PKHD1: variants seen among roughly 807,000 people sequenced by gnomAD.
PKHD1 encodes PKHD1 ciliary IPT domain containing fibrocystin/polyductin, also known as fibrocystin.
A neutral mutation model predicts 412.0 loss-of-function variants in PKHD1; 291 were observed. The ratio of observed to expected loss-of-function variants is 0.71; its 90% CI spans 0.64 to 0.78. The LOEUF is 0.78. PKHD1 is among the 30% of genes least tolerant of loss of function. The pLI, the probability that PKHD1 is intolerant of heterozygous loss-of-function variation, is 0.00. For synonymous variants in PKHD1, 1,777 were observed against 1,821.5 expected, an observed-to-expected ratio of 0.98 and a Z score of 0.62; for missense variants, 4,825 against 4,950.7, an observed-to-expected ratio of 0.97 and a Z score of 0.76.
intron 48 of PKHD1, among the ~76,000 whole-genome samples, chr6:51,860,826 T>C (rs1231998691): frequency 6.6e-6 from 1 of 152,142 alleles, no homozygotes; most frequent in Non-Finnish European, 1.5e-5. Flanking sequence ...ATTATTATTA[T>C]TTGAGATGGA....
At chr6:51,731,537 GT>G (rs1457517901) in intron 60 of PKHD1, among the ~76,000 whole-genome samples, 2 of 152,122 alleles carry the variant, frequency 1.3e-5, no homozygotes, top group African/African-American at 4.8e-5. Context: ...GACAAGCTTT[GT>G]TTTTTAATTG....
chr6:52,032,239 T>C (rs1803169597), intron 29 of PKHD1, among the ~76,000 whole-genome samples: 2 of 152,222 alleles, frequency 1.3e-5, no homozygotes. Context: ...GGAAATATGA[T>C]GGTCTTTTTA....
chr6:51,644,685 A>ATTTTG (rs369655135), intron 63 of PKHD1, among the ~76,000 whole-genome samples: 3 of 151,866 alleles, frequency 2.0e-5, no homozygotes, highest in African/African-American at 4.8e-5. Flanking sequence ...GGATAAGCTG[A>ATTTTG]TTTTGTTTTG....
intron 36 of PKHD1, among the ~76,000 whole-genome samples, chr6:51,936,389 A>G (rs1301315601): frequency 6.6e-6 from 1 of 152,220 alleles, no homozygotes; most frequent in Non-Finnish European, 1.5e-5. Context: ...TACTATAATA[A>G]GAAGAGTCTT....
intron 13 of PKHD1, 130 bp from the exon 14 acceptor site, chr6:52,062,790 G>T: frequency 1.9e-6 from 2 of 1,057,134 alleles, no homozygotes; most frequent in Non-Finnish European, 2.9e-6. Flanking sequence ...CCTAGAGCCA[G>T]ATAGAGTAGT....
intron 35 of PKHD1, among the ~76,000 whole-genome samples, chr6:51,991,721 G>C (rs1001255908): frequency 6.6e-6 from 1 of 152,150 alleles, no homozygotes; most frequent in Non-Finnish European, 1.5e-5. Context: ...GAAAGGGATT[G>C]TTTCTTAAGA....
chr6:51,812,252 C>G (rs778137941), intron 52 of PKHD1, among the ~76,000 whole-genome samples: 1 of 152,246 alleles, frequency 6.6e-6, no homozygotes, highest in Non-Finnish European at 1.5e-5. Flanking sequence ...ATATAGATCA[C>G]TAGTAATTTA....
chr6:52,042,800 A>G lies in PKHD1; in HGVS notation c.3097+59T>C. 6.7e-6 allele frequency: 10 copies of G among 1,485,380 alleles called. No homozygotes were observed. The South Asian group carries it at 1.1e-4, about 17-fold the overall frequency. 92.0% of individuals were successfully genotyped at this position (1,485,380 alleles called of 1,614,324 possible). Reference sequence around the variant, plus strand: ...CATTACACAGAAGGACTAGATTCCTATCAGCAAGAACACTAGCTTCAGAGG... The same window carrying G: ...CATTACACAGAAGGACTAGATTCCTGTCAGCAAGAACACTAGCTTCAGAGG... On this transcript the variant is annotated intron_variant, in intron 27 of 66. Transcript: ENST00000371117.
intron 52 of PKHD1, among the ~76,000 whole-genome samples, chr6:51,794,420 T>G (rs1270468618): frequency 1.8e-4 from 28 of 152,222 alleles, no homozygotes; most frequent in Admixed American, 1.8e-3. Context: ...ATGCTGGATA[T>G]TAGACGTTTG....
chr6:51,623,954 G>A (rs988179821), intron 66 of PKHD1, among the ~76,000 whole-genome samples: 1 of 152,130 alleles, frequency 6.6e-6, no homozygotes, highest in Non-Finnish European at 1.5e-5. Flanking sequence ...TGGTAAGAAT[G>A]ACTTATGTGT....
In PKHD1 at chr6:51,836,430, T is replaced by C. The variant is rs1199867450; in HGVS notation, c.8147A>G (p.Lys2716Arg). Residue 2716 changes from lysine (K) to arginine (R), a missense_variant, in exon 51 of 67, where the codon AAG (lysine) becomes AGG (arginine). Coordinates refer to ENST00000371117, the MANE Select transcript of PKHD1 (RefSeq NM_138694.4). ...EGQVQVILRV[K>R]EGMPPTISAS... ...TGAAATAGTTGGGGGCATACCTTCC[T>C]TCACCCGGAGAATGACTTGAACTTG... The C allele has an allele frequency of 3.7e-6, 6 of 1,613,146 alleles. No individual in the cohort carries two copies. The highest frequency in any genetic ancestry group is 5.1e-6 in the Non-Finnish European group (6 of 1,179,122).
Position 52,078,600 on chromosome 6 carries a change from G to A in PKHD1, c.390+1300C>T, listed in dbSNP as rs192439003. 2.8e-3 allele frequency among the ~76,000 whole-genome samples: 430 copies of A among 152,276 alleles called. 2 individuals carry two copies. The highest frequency in any genetic ancestry group is 8.4e-3 in the African/African-American group (347 of 41,548). ...TGCCTCTCATTAACTGCATCCCCTG[G>A]TGATTTTTCATCAACTTGCCAAGAT... On this transcript the variant is annotated intron_variant, in intron 5 of 66. Transcript: ENST00000371117.
At chr6:51,864,280 G>C (rs1435931930) in intron 48 of PKHD1, among the ~76,000 whole-genome samples, 3 of 152,134 alleles carry the variant, frequency 2.0e-5, no homozygotes, top group Non-Finnish European at 1.5e-5. Flanking sequence ...ACTTTCCTTG[G>C]AAAGCACTGA....
intron 60 of PKHD1, among the ~76,000 whole-genome samples, chr6:51,739,231 A>AAT (rs938832107): frequency 1.3e-5 from 2 of 150,542 alleles, no homozygotes; most frequent in South Asian, 2.1e-4. Context: ...TTATATATAT[A>AAT]ATATATATAA....
chr6:51,755,370 CA>C (rs1045683481), intron 55 of PKHD1, among the ~76,000 whole-genome samples: 1 of 152,114 alleles, frequency 6.6e-6, no homozygotes, highest in Non-Finnish European at 1.5e-5. Context: ...GACAACTTTT[CA>C]TCATGTGTTA....
At chr6:51,992,137 GTT>G (rs1398560665) in intron 35 of PKHD1, among the ~76,000 whole-genome samples, 1 of 152,164 alleles carries the variant, frequency 6.6e-6, no homozygotes, top group African/African-American at 2.4e-5. Flanking sequence ...TCACTTTAAA[GTT>G]TCATTCTGAG....
At chr6:51,922,634 A>G (rs1230365691) in intron 37 of PKHD1, among the ~76,000 whole-genome samples, 2 of 152,264 alleles carry the variant, frequency 1.3e-5, no homozygotes, top group East Asian at 3.9e-4. Flanking sequence ...TTACCTACTC[A>G]AGCCTCAGCA....
At chr6:51,911,496 A>G (rs1018403638) in intron 39 of PKHD1, among the ~76,000 whole-genome samples, 3 of 152,130 alleles carry the variant, frequency 2.0e-5, no homozygotes, top group Middle Eastern at 3.2e-3. Flanking sequence ...TTAACATTGA[A>G]CCCAGAAATG....
intron 35 of PKHD1, among the ~76,000 whole-genome samples, chr6:52,004,710 G>A (rs2128105419): frequency 6.6e-6 from 1 of 152,288 alleles, no homozygotes; most frequent in African/African-American, 2.4e-5. Context: ...TTACTCCAGA[G>A]CTAGAATATT....
Sources: allele counts gnomAD v4.1 joint callset (sites outside exome capture counted in the v4.1 genomes callset), GRCh38; gene constraint gnomAD v4.1.1; transcripts MANE v1.5; gene names NCBI Gene and HGNC (gene_info 2026-07-23, HGNC 2026-07-21).